Variants in SORCS2 observed in about 807,000 individuals in gnomAD.
SORCS2 encodes VPS10 domain-containing receptor SorCS2.
SORCS2 carries 100 observed loss-of-function variants against 141.6 expected under a neutral mutation model. The observed-to-expected ratio is 0.71, with a 90% CI of 0.60 to 0.83. SORCS2 has a LOEUF of 0.83. Among genes scored for constraint, SORCS2 ranks in the 40% least tolerant of loss-of-function variants. The probability of loss-of-function intolerance (pLI) is 0.00; values close to 1 mark genes in which losing one functional copy is unlikely to be tolerated. For synonymous variants in SORCS2, 789 were observed against 676.9 expected (o/e 1.17, Z -2.57); for missense variants, 1,646 against 1,560.2 (o/e 1.05, Z -0.93).
rs114802954 is a variant in SORCS2, at chr4:7,235,078, G to A, written c.480+41952G>A. Among the ~76,000 whole-genome samples the A allele has an allele frequency of 2.5e-3, 376 of 152,340 alleles. 1 individual carries two copies. Among genetic ancestry groups the A allele is most frequent in the African/African-American group, 8.5e-3 (353 of 41,580 alleles). On this transcript the variant is annotated intron_variant, in intron 1 of 26. Coordinates refer to ENST00000507866, the MANE Select transcript of SORCS2 (RefSeq NM_020777.3). ...TGGGCTCTGCGTTGCATCCCGTGAG[G>A]GTCTGAACTCTGTGTCTATCTGGCG...
intron 3 of SORCS2, among the ~76,000 whole-genome samples, chr4:7,547,832 AC>A (rs1254327213): frequency 6.6e-6 from 1 of 152,196 alleles, no homozygotes; most frequent in Non-Finnish European, 1.5e-5. Flanking sequence ...CTTTCTGTCC[AC>A]CGGCACCTGG....
intron 1 of SORCS2, among the ~76,000 whole-genome samples, chr4:7,208,998 G>A (rs1227502513): frequency 2.0e-5 from 3 of 152,162 alleles, no homozygotes; most frequent in African/African-American, 4.8e-5. Context: ...CCCTCACCCC[G>A]GACCACACTT....
At chr4:7,199,921 G>T (rs1203790270) in intron 1 of SORCS2, among the ~76,000 whole-genome samples, 1 of 152,028 alleles carries the variant, frequency 6.6e-6, no homozygotes, top group Admixed American at 6.6e-5. Context: ...TTGCCTGAGG[G>T]ACCGACACTC....
chr4:7,530,058 G>T (rs1733925727), intron 2 of SORCS2, among the ~76,000 whole-genome samples: 1 of 152,228 alleles, frequency 6.6e-6, no homozygotes, highest in Non-Finnish European at 1.5e-5. Flanking sequence ...CACGTGGCCA[G>T]CATGCCCAGA....
chr4:7,644,756 A>T (rs1720963080), intron 4 of SORCS2, among the ~76,000 whole-genome samples: 1 of 151,888 alleles, frequency 6.6e-6, no homozygotes, highest in Admixed American at 6.6e-5. Flanking sequence ...CTTCACTCTG[A>T]CTTTTTATCT....
At chr4:7,633,598 T>C (rs1441652307) in intron 3 of SORCS2, among the ~76,000 whole-genome samples, 1 of 136,796 alleles carries the variant, frequency 7.3e-6, no homozygotes, top group Non-Finnish European at 1.5e-5. Context: ...TGAGCCTTCA[T>C]TCATGTGCAA....
intron 1 of SORCS2, among the ~76,000 whole-genome samples, chr4:7,326,836 G>C (rs561075833): frequency 6.6e-5 from 10 of 152,268 alleles, no homozygotes; most frequent in Non-Finnish European, 1.5e-4. Context: ...CCGGAGGTGG[G>C]ACAGGGCAGC....
Position 7,201,792 on chromosome 4 carries a change from G to T in SORCS2, c.480+8666G>T, listed in dbSNP as rs1192102323. 6.6e-6 allele frequency among the ~76,000 whole-genome samples: 1 copy of T among 152,132 alleles called. No homozygotes were observed. The highest frequency in any genetic ancestry group is 2.1e-4 in the South Asian group (1 of 4,814). On this transcript the variant is annotated intron_variant, in intron 1 of 26. Coordinates refer to ENST00000507866, the MANE Select transcript of SORCS2 (RefSeq NM_020777.3). The surrounding 1 kb of genome is among the most constrained non-coding windows in gnomAD (Gnocchi z 4.4). ...CGCTAGTTTGGGTGGGTGCTCTGTG[G>T]ATTGCAGGGATGCCGATGACCTGAG...
At chr4:7,566,057 G>A (rs62644754) in intron 3 of SORCS2, among the ~76,000 whole-genome samples, 1 of 146,944 alleles carries the variant, frequency 6.8e-6, no homozygotes, top group South Asian at 2.2e-4. Context: ...CGATGGTGAT[G>A]ATGATGATGG....
At chr4:7,429,812 A>G (rs1297092122) in intron 2 of SORCS2, among the ~76,000 whole-genome samples, 2 of 152,172 alleles carry the variant, frequency 1.3e-5, no homozygotes, top group African/African-American at 4.8e-5. Flanking sequence ...TCCCTCCACT[A>G]CTGGCTGTGT....
At chr4:7,413,083 A>C (rs1375384709) in intron 2 of SORCS2, among the ~76,000 whole-genome samples, 1 of 152,168 alleles carries the variant, frequency 6.6e-6, no homozygotes, top group Non-Finnish European at 1.5e-5. Flanking sequence ...GGTACTGGGT[A>C]GTGCTTTAAG....
At chr4:7,660,781 G>A (rs1218131904) in intron 5 of SORCS2, among the ~76,000 whole-genome samples, 1 of 152,232 alleles carries the variant, frequency 6.6e-6, no homozygotes, top group African/African-American at 2.4e-5. Flanking sequence ...ACAGCCTGGT[G>A]CAAACTGTCG....
intron 1 of SORCS2, among the ~76,000 whole-genome samples, chr4:7,304,761 T>TG (rs1482244495): frequency 6.6e-6 from 1 of 152,158 alleles, no homozygotes; most frequent in Non-Finnish European, 1.5e-5. Flanking sequence ...CAGAGCTTGG[T>TG]GGGGGGCCTC....
intron 3 of SORCS2, among the ~76,000 whole-genome samples, chr4:7,586,124 C>T (rs1421762214): frequency 1.3e-5 from 2 of 152,174 alleles, no homozygotes; most frequent in Non-Finnish European, 2.9e-5. Flanking sequence ...GTTCTGGCTT[C>T]TCTGTTGGGA....
intron 3 of SORCS2, among the ~76,000 whole-genome samples, chr4:7,535,808 G>T (rs1194764565): frequency 7.2e-6 from 1 of 139,110 alleles, no homozygotes; most frequent in African/African-American, 3.2e-5. Flanking sequence ...TGGTGGCTGT[G>T]CCAGGCATGG....
At chr4:7,724,502 TGGTGG>T (rs1726934642) in intron 19 of SORCS2, among the ~76,000 whole-genome samples, 1 of 135,928 alleles carries the variant, frequency 7.4e-6, no homozygotes, top group African/African-American at 2.9e-5. Flanking sequence ...GTGGTGACAA[TGGTGG>T]TGGTGATGGT....
intron 2 of SORCS2, among the ~76,000 whole-genome samples, chr4:7,415,714 C>A (rs1394863041): frequency 6.6e-6 from 1 of 152,258 alleles, no homozygotes; most frequent in Non-Finnish European, 1.5e-5. Context: ...AGTTGAAGGC[C>A]TTGCTGGGGC....
At chr4:7,215,394 C>T (rs1173190699) in intron 1 of SORCS2, among the ~76,000 whole-genome samples, 3 of 152,248 alleles carry the variant, frequency 2.0e-5, no homozygotes, top group African/African-American at 7.2e-5. Flanking sequence ...CTGCAGCCCG[C>T]CATGCCTGAG....
intron 1 of SORCS2, among the ~76,000 whole-genome samples, chr4:7,254,660 AAG>A (rs757708930): frequency 6.6e-6 from 1 of 152,222 alleles, no homozygotes; most frequent in Non-Finnish European, 1.5e-5. Context: ...AAAGGAAAAA[AAG>A]AGGGGCGGGC....
Sources: allele counts gnomAD v4.1 joint callset (sites outside exome capture counted in the v4.1 genomes callset), GRCh38; gene constraint gnomAD v4.1.1; non-coding constraint Gnocchi (gnomAD v3.1); transcripts MANE v1.5; gene names NCBI Gene and HGNC (gene_info 2026-07-23, HGNC 2026-07-21).